Variants in HNF4G observed in about 807,000 individuals in gnomAD.
HNF4G encodes the protein hepatocyte nuclear factor 4 gamma.
A neutral mutation model predicts 50.9 loss-of-function variants in HNF4G; 21 were observed. The observed-to-expected ratio is 0.41, with a 90% CI of 0.29 to 0.59. HNF4G has a LOEUF of 0.59. HNF4G is among the 20% of genes least tolerant of loss of function. HNF4G has a pLI of 0.26. For synonymous variants in HNF4G, 198 were observed against 185.6 expected (o/e 1.07, Z -0.54); for missense variants, 527 against 559.4 (o/e 0.94, Z 0.58).
intron 1 of HNF4G, 78 bp downstream of exon 1, chr8:75,540,158 G>A: frequency 2.4e-6 from 2 of 829,822 alleles, no homozygotes; most frequent in South Asian, 1.5e-5. Flanking sequence ...TTCCAAAGGT[G>A]GTGGCTCAAT....
intron 1 of HNF4G, among the ~76,000 whole-genome samples, chr8:75,450,348 C>T (rs1039240898): frequency 6.6e-6 from 1 of 152,038 alleles, no homozygotes; most frequent in Non-Finnish European, 1.5e-5. Flanking sequence ...TATATTTGAT[C>T]CAATTCCAAT....
At chr8:75,454,559 C>T (rs1377959779) in intron 1 of HNF4G, among the ~76,000 whole-genome samples, 1 of 152,112 alleles carries the variant, frequency 6.6e-6, no homozygotes, top group Non-Finnish European at 1.5e-5. Context: ...ATTGGCCTAC[C>T]TGAAGTTTCC....
intron 1 of HNF4G, among the ~76,000 whole-genome samples, chr8:75,409,507 G>T (rs1270948195): frequency 5.3e-5 from 4 of 75,050 alleles, no homozygotes; most frequent in African/African-American, 1.3e-4. Flanking sequence ...TTTTTTTTCC[G>T]AGATGAAGTC....
intron 5 of HNF4G, among the ~76,000 whole-genome samples, chr8:75,555,321 A>G (rs1207683868): frequency 6.6e-6 from 1 of 152,124 alleles, no homozygotes; most frequent in African/African-American, 2.4e-5. Flanking sequence ...GAAGTGTTAC[A>G]TTGGTAGGTG....
At chr8:75,516,481 C>T (rs935831599) in intron 2 of HNF4G, among the ~76,000 whole-genome samples, 1 of 151,750 alleles carries the variant, frequency 6.6e-6, no homozygotes, top group Admixed American at 6.6e-5. Context: ...TTTTATGAAC[C>T]AGAATAGGGT....
At chr8:75,529,812 A>G (rs911175343) in intron 2 of HNF4G, among the ~76,000 whole-genome samples, 1 of 152,132 alleles carries the variant, frequency 6.6e-6, no homozygotes, top group African/African-American at 2.4e-5. Flanking sequence ...TTGAATTTGG[A>G]TCACCTTTCT....
chr8:75,518,481 G>C (rs1213448866), intron 2 of HNF4G, among the ~76,000 whole-genome samples: 1 of 152,204 alleles, frequency 6.6e-6, no homozygotes. Flanking sequence ...CCATTACTGG[G>C]TATATACCCA....
chr8:75,539,799 G>A (rs1806562323), upstream of HNF4G: 1 of 535,674 alleles, frequency 1.9e-6, no homozygotes, highest in East Asian at 3.1e-5. Flanking sequence ...AATATGGCCT[G>A]CTGAAGAAGG....
chr8:75,565,797 T>C lies in HNF4G; in HGVS notation c.*1701T>C, dbSNP rs1322193258. The C allele has an allele frequency of 6.6e-6, 1 of 152,172 alleles. No individual in the cohort carries two copies. The highest frequency in any genetic ancestry group is 1.5e-5 in the Non-Finnish European group (1 of 68,026). The allele number at this position is 152,172 out of a possible 1,614,324, so 9.4% of individuals were successfully genotyped here. A position where few individuals can be genotyped will look rare whatever the true frequency, so the allele number is the denominator to read the frequency against. ...GGTTAATATCAAGTAACTTATTAGC[T>C]CTTAAAGTAAAATTGAACTTATTAA... is the stretch of plus-strand genomic sequence containing the variant. On this transcript the variant is annotated 3_prime_UTR_variant, in exon 10 of 10. Transcript: ENST00000396423.
chr8:75,418,974 G>A (rs1810713896), intron 1 of HNF4G, among the ~76,000 whole-genome samples: 1 of 152,020 alleles, frequency 6.6e-6, no homozygotes, highest in South Asian at 2.1e-4. Flanking sequence ...TGATCCGCCT[G>A]CCTCGGCCTC....
chr8:75,542,651 G>C (rs1806661752), intron 1 of HNF4G, among the ~76,000 whole-genome samples: 1 of 152,062 alleles, frequency 6.6e-6, no homozygotes, highest in Middle Eastern at 3.2e-3. Context: ...TGACATGCAG[G>C]GTTTACAGGC....
At chr8:75,560,270 A>G in intron 8 of HNF4G, 74 bp from the exon 9 acceptor site, 1 of 1,518,556 alleles carries the variant, frequency 6.6e-7, no homozygotes, top group South Asian at 1.2e-5. Context: ...CTGTCAATCA[A>G]AACATTTGTT....
chr8:75,480,918 T>A (rs1416304499), intron 1 of HNF4G, among the ~76,000 whole-genome samples: 1 of 152,048 alleles, frequency 6.6e-6, no homozygotes, highest in Non-Finnish European at 1.5e-5. Context: ...AGTTTCGCCA[T>A]GTTGGGCAGG....
At chr8:75,437,762 A>G (rs1317736304) in intron 1 of HNF4G, among the ~76,000 whole-genome samples, 1 of 152,034 alleles carries the variant, frequency 6.6e-6, no homozygotes, top group Non-Finnish European at 1.5e-5. Context: ...CATAAAAAAT[A>G]TAAACTCATT....
At chr8:75,555,951 T>C (rs1451292552) in intron 5 of HNF4G, 31 bp from the exon 6 acceptor site, 1 of 1,187,376 alleles carries the variant, frequency 8.4e-7, no homozygotes, top group Non-Finnish European at 1.2e-6. Flanking sequence ...TATATTATAA[T>C]TAATTGTTAA....
chr8:75,553,742 C>T (rs901871012), intron 5 of HNF4G, among the ~76,000 whole-genome samples: 1 of 151,078 alleles, frequency 6.6e-6, no homozygotes, highest in African/African-American at 2.4e-5. Flanking sequence ...ACATGTCTGG[C>T]AAAAAGAAAA....
intron 1 of HNF4G, among the ~76,000 whole-genome samples, chr8:75,470,469 A>G (rs1302400858): frequency 6.6e-6 from 1 of 152,088 alleles, no homozygotes; most frequent in Non-Finnish European, 1.5e-5. Context: ...CCCCCCACAG[A>G]TTGTTCATTC....
At chr8:75,487,296 G>A (rs574726155) in intron 1 of HNF4G, among the ~76,000 whole-genome samples, 1 of 151,816 alleles carries the variant, frequency 6.6e-6, no homozygotes, top group South Asian at 2.1e-4. Context: ...TTAACATGCC[G>A]TTGGCTCTAG....
At chr8:75,510,398 A>C (rs34335443) in intron 2 of HNF4G, among the ~76,000 whole-genome samples, 5 of 152,190 alleles carry the variant, frequency 3.3e-5, no homozygotes, top group African/African-American at 1.2e-4. Flanking sequence ...TAGCCTACAT[A>C]AAGTCTGCAA....
Sources: allele counts gnomAD v4.1 joint callset (sites outside exome capture counted in the v4.1 genomes callset), GRCh38; gene constraint gnomAD v4.1.1; transcripts MANE v1.5; gene names NCBI Gene and HGNC (gene_info 2026-07-23, HGNC 2026-07-21).